Variants in ZCWPW2 observed in about 807,000 individuals in gnomAD.
ZCWPW2 encodes the protein zinc finger CW-type PWWP domain protein 2.
In ZCWPW2, 45 loss-of-function variants were observed where a neutral mutation model predicts 46.6. That is an observed-to-expected ratio of 0.96 (90% confidence interval 0.76 to 1.24). The LOEUF (loss-of-function observed/expected upper bound fraction) is 1.24. Among genes scored for constraint, ZCWPW2 ranks in the 50% most tolerant of loss-of-function variants. The pLI, the probability that ZCWPW2 is intolerant of heterozygous loss-of-function variation, is 0.00. For missense variants in ZCWPW2, 429 were observed against 403.9 expected (o/e 1.06, Z -0.53); for synonymous variants, 152 against 137.1 (o/e 1.11, Z -0.76).
intron 1 of ZCWPW2, among the ~76,000 whole-genome samples, chr3:28,368,272 A>C (rs1317209833): frequency 1.3e-5 from 2 of 152,108 alleles, no homozygotes; most frequent in East Asian, 3.9e-4. Flanking sequence ...ATGTTTTTGC[A>C]GTGGCTGGTA....
intron 2 of ZCWPW2, among the ~76,000 whole-genome samples, chr3:28,410,250 A>G (rs1203357520): frequency 1.3e-5 from 2 of 152,096 alleles, no homozygotes; most frequent in Admixed American, 1.3e-4. Flanking sequence ...CAAATCCACA[A>G]TTACTATGGG....
intron 4 of ZCWPW2, among the ~76,000 whole-genome samples, chr3:28,469,239 G>A (rs1234677463): frequency 6.6e-6 from 1 of 151,792 alleles, no homozygotes; most frequent in African/African-American, 2.4e-5. Context: ...AAATTAAAAA[G>A]CAATAAATTT....
chr3:28,490,385 C>G (rs997999281), intron 5 of ZCWPW2, among the ~76,000 whole-genome samples: 4 of 152,084 alleles, frequency 2.6e-5, no homozygotes, highest in Non-Finnish European at 5.9e-5. Context: ...TTCATTGCAG[C>G]ACTATTTTCA....
At chr3:28,404,823 A>G (rs1270153427) in intron 2 of ZCWPW2, among the ~76,000 whole-genome samples, 1 of 152,178 alleles carries the variant, frequency 6.6e-6, no homozygotes, top group African/African-American at 2.4e-5. Flanking sequence ...GTGGGAGCTA[A>G]TCTATGAGGA....
At chr3:28,457,657 A>G (rs1028688373) in intron 4 of ZCWPW2, among the ~76,000 whole-genome samples, 5 of 152,208 alleles carry the variant, frequency 3.3e-5, no homozygotes, top group Admixed American at 1.3e-4. Context: ...AAAACTATCT[A>G]TTGACACTAT....
chr3:28,437,418 T>C (rs889608642), intron 4 of ZCWPW2, among the ~76,000 whole-genome samples: 4 of 152,220 alleles, frequency 2.6e-5, no homozygotes, highest in African/African-American at 9.6e-5. Flanking sequence ...TAGACATAAA[T>C]TTGCCTACAA....
rs528080326 is a variant in ZCWPW2, at chr3:28,519,623, A to G, written c.785-1369A>G. Among the ~76,000 whole-genome samples, 6 of 152,278 alleles carry G rather than the reference A, an allele frequency of 3.9e-5. No individual in the cohort carries two copies. In the South Asian group the frequency reaches 1.2e-3, roughly 32 times the overall value. On this transcript the variant is annotated intron_variant, in intron 8 of 9. Coordinates refer to ENST00000383768, the MANE Select transcript of ZCWPW2 (RefSeq NM_001040432.4). ...TTTTCCATGACCTTTCAGCTGCTCT[A>G]CTAGGTGTGATTTTTGCTGACTTGC...
intron 1 of ZCWPW2, among the ~76,000 whole-genome samples, chr3:28,353,212 A>G (rs531088780): frequency 1.7e-4 from 26 of 152,206 alleles, no homozygotes; most frequent in African/African-American, 5.8e-4. Flanking sequence ...TATATATTTT[A>G]TGATAATTAT....
At chr3:28,432,354 G>A (rs1179332352) in intron 3 of ZCWPW2, among the ~76,000 whole-genome samples, 1 of 152,196 alleles carries the variant, frequency 6.6e-6, no homozygotes, top group Non-Finnish European at 1.5e-5. Flanking sequence ...TTGGGATTAT[G>A]CACATCATTG....
At position 28,520,984 on chromosome 3, in the gene ZCWPW2, T is replaced by C; in HGVS notation, c.785-8T>C. 1 of 1,613,348 alleles carries C rather than the reference T, an allele frequency of 6.2e-7. No homozygotes were observed. The highest frequency in any genetic ancestry group is 1.1e-5 in the South Asian group (1 of 91,000). On this transcript the variant is annotated splice_polypyrimidine_tract_variant and splice_region_variant and intron_variant, in intron 8 of 9. Transcript: ENST00000383768. The stretch of plus-strand genomic sequence containing the variant: ...AGCATTTTTACTGTATTAATCCTGT[T>C]TTTTTAGTTGTCTGTGAGACGGAAG...
intron 2 of ZCWPW2, among the ~76,000 whole-genome samples, chr3:28,406,315 G>A (rs1559491829): frequency 6.6e-6 from 1 of 152,164 alleles, no homozygotes; most frequent in Non-Finnish European, 1.5e-5. Flanking sequence ...AATCTCAACA[G>A]AAGCCAATAT....
chr3:28,436,824 A>C (rs1479090284), intron 4 of ZCWPW2, among the ~76,000 whole-genome samples: 1 of 152,174 alleles, frequency 6.6e-6, no homozygotes, highest in Non-Finnish European at 1.5e-5. Context: ...CACAGAAGAC[A>C]GGATAGAATA....
chr3:28,449,083 C>A (rs1464445175), intron 4 of ZCWPW2, among the ~76,000 whole-genome samples: 1 of 152,102 alleles, frequency 6.6e-6, no homozygotes, highest in East Asian at 1.9e-4. Flanking sequence ...AATAAATTCT[C>A]ACGTAAATAG....
intron 6 of ZCWPW2, among the ~76,000 whole-genome samples, chr3:28,498,515 G>A (rs72909081): frequency 0.17 from 25,045 of 151,770 alleles, 2,456 homozygotes; most frequent in East Asian, 0.45. Flanking sequence ...ATTATAATAG[G>A]TGGTTAATAA....
chr3:28,390,199 C>T (rs897159896), intron 1 of ZCWPW2, among the ~76,000 whole-genome samples: 4 of 152,116 alleles, frequency 2.6e-5, no homozygotes, highest in Admixed American at 6.5e-5. Flanking sequence ...AGTAAAAGTG[C>T]GGATGTGATC....
intron 2 of ZCWPW2, among the ~76,000 whole-genome samples, chr3:28,407,114 A>G (rs1696195809): frequency 6.6e-6 from 1 of 152,106 alleles, no homozygotes; most frequent in Non-Finnish European, 1.5e-5. Flanking sequence ...GGCATGAGCC[A>G]TTGCACCTGG....
intron 4 of ZCWPW2, among the ~76,000 whole-genome samples, chr3:28,437,985 A>G (rs1379697446): frequency 6.6e-6 from 1 of 152,124 alleles, no homozygotes; most frequent in Admixed American, 6.5e-5. Flanking sequence ...AAAGGCTTGG[A>G]CTGTATGCTG....
chr3:28,392,517 C>G (rs1317892967), intron 2 of ZCWPW2, among the ~76,000 whole-genome samples: 1 of 152,110 alleles, frequency 6.6e-6, no homozygotes, highest in Non-Finnish European at 1.5e-5. Flanking sequence ...AAACACATAT[C>G]CTTCTCACAC....
chr3:28,402,814 T>C (rs2125730060), intron 2 of ZCWPW2, among the ~76,000 whole-genome samples: 1 of 152,258 alleles, frequency 6.6e-6, no homozygotes, highest in Non-Finnish European at 1.5e-5. Context: ...ATTATCTCAA[T>C]AGACACAGCA....
Sources: allele counts gnomAD v4.1 joint callset (sites outside exome capture counted in the v4.1 genomes callset), GRCh38; gene constraint gnomAD v4.1.1; transcripts MANE v1.5; gene names NCBI Gene and HGNC (gene_info 2026-07-23, HGNC 2026-07-21).